NBEA: variants seen among roughly 807,000 people sequenced by gnomAD.
NBEA encodes the protein lysosomal-trafficking regulator 2.
Under a neutral mutation model 343.4 loss-of-function variants are expected in NBEA, and 44 were observed. The observed-to-expected ratio is 0.13, with a 90% CI of 0.10 to 0.16. The LOEUF is 0.16. NBEA is among the 10% of genes least tolerant of loss of function. NBEA has a pLI of 1.00. For synonymous variants in NBEA, 1,175 were observed against 1,238.7 expected, an observed-to-expected ratio of 0.95 and a Z score of 1.08; for missense variants, 2,555 against 3,631.3, an observed-to-expected ratio of 0.70 and a Z score of 7.62.
intron 12 of NBEA, among the ~76,000 whole-genome samples, chr13:35,109,724 G>C (rs2066091354): frequency 6.6e-6 from 1 of 152,046 alleles, no homozygotes; most frequent in African/African-American, 2.4e-5. Context: ...ATTTTTGAAA[G>C]ACTAGGAAAG....
At chr13:35,168,964 T>A in intron 24 of NBEA, 23 bp from the exon 25 acceptor site, 1 of 1,429,976 alleles carries the variant, frequency 7.0e-7, no homozygotes, top group Non-Finnish European at 9.2e-7. Context: ...GTCTGTTGTC[T>A]GTTTTGTCTA....
intron 41 of NBEA, among the ~76,000 whole-genome samples, chr13:35,534,574 G>A (rs2078435565): frequency 6.6e-6 from 1 of 152,174 alleles, no homozygotes; most frequent in Non-Finnish European, 1.5e-5. Flanking sequence ...TGAGTGCTCT[G>A]GACAGCCTCT....
At chr13:35,584,440 T>G (rs9574176) in intron 46 of NBEA, among the ~76,000 whole-genome samples, 19,854 of 151,160 alleles carry the variant, frequency 0.13, 1,432 homozygotes, top group East Asian at 0.28. Context: ...TGCCTCAGCC[T>G]CCCGAGTAAC....
chr13:35,475,176 T>C (rs1324798623), intron 41 of NBEA: 2 of 1,613,798 alleles, frequency 1.2e-6, no homozygotes, highest in African/African-American at 1.3e-5. Context: ...CTAAGTTCGG[T>C]AGAAAGTAGT....
intron 47 of NBEA, among the ~76,000 whole-genome samples, chr13:35,604,588 C>T (rs1304122857): frequency 6.6e-6 from 1 of 152,088 alleles, no homozygotes; most frequent in Non-Finnish European, 1.5e-5. Flanking sequence ...CAGTGTCTTG[C>T]TATAAAACAA....
Position 35,539,915 on chromosome 13 carries a change from C to CAAAAAAAAAAAAAA in NBEA, c.6586-10548_6586-10535dup, listed in dbSNP as rs71081262. Among the ~76,000 whole-genome samples, 79 of 39,606 alleles carry CAAAAAAAAAAAAAA rather than the reference C, an allele frequency of 2.0e-3. 9 individuals carry two copies. The highest frequency in any genetic ancestry group is 2.7e-3 in the Non-Finnish European group (58 of 21,852). 26.0% of individuals were successfully genotyped at this position (39,606 alleles called of 152,430 possible). On this transcript the variant is annotated intron_variant, in intron 41 of 58. Coordinates refer to ENST00000379939, the MANE Select transcript of NBEA (RefSeq NM_001385012.1). ...TGGGCGACAGAGCAAGACTCCGTCT[C>CAAAAAAAAAAAAAA]AAAAAAAAAAAAAAAAAAAAAAAAA...
intron 48 of NBEA, among the ~76,000 whole-genome samples, chr13:35,608,097 T>C (rs774649520): frequency 1.8e-4 from 27 of 152,182 alleles, no homozygotes; most frequent in Non-Finnish European, 3.5e-4. Context: ...CTAAGAAATA[T>C]TTTACTTTTA....
At chr13:35,480,261 A>G (rs967052975) in intron 41 of NBEA, among the ~76,000 whole-genome samples, 1 of 152,136 alleles carries the variant, frequency 6.6e-6, no homozygotes, top group African/African-American at 2.4e-5. Context: ...TATATGGGAT[A>G]TACAAAGTAA....
chr13:35,364,810 T>C (rs953200525), intron 38 of NBEA, among the ~76,000 whole-genome samples: 1 of 151,798 alleles, frequency 6.6e-6, no homozygotes, highest in Non-Finnish European at 1.5e-5. Flanking sequence ...AGGTATAAGA[T>C]GGTATTGCCT....
chr13:35,201,478 A>C (rs1013442879), intron 31 of NBEA, among the ~76,000 whole-genome samples: 3 of 152,058 alleles, frequency 2.0e-5, no homozygotes. Context: ...TAGAATCAGT[A>C]ACAAATTATT....
chr13:35,169,825 AT>A (rs1309143192), intron 25 of NBEA, among the ~76,000 whole-genome samples: 1 of 151,772 alleles, frequency 6.6e-6, no homozygotes, highest in Non-Finnish European at 1.5e-5. Flanking sequence ...AATTGATATT[AT>A]GAAGTGATGC....
chr13:35,474,783 C>A (rs142672727), intron 41 of NBEA: 2 of 361,964 alleles, frequency 5.5e-6, no homozygotes, highest in African/African-American at 4.2e-5. Context: ...GGGCTGTTTA[C>A]GGAGTGTTAC....
chr13:35,613,152 T>C (rs1247450837), intron 48 of NBEA, among the ~76,000 whole-genome samples: 2 of 150,470 alleles, frequency 1.3e-5, no homozygotes, highest in African/African-American at 4.9e-5. Flanking sequence ...CCAGAGTTTA[T>C]TCCTCCTAAC....
intron 33 of NBEA, among the ~76,000 whole-genome samples, chr13:35,218,753 T>A (rs1029400238): frequency 6.6e-6 from 1 of 152,052 alleles, no homozygotes; most frequent in African/African-American, 2.4e-5. Context: ...TACACTAAGA[T>A]GATCATGTGG....
intron 18 of NBEA, among the ~76,000 whole-genome samples, chr13:35,148,701 A>C (rs1490661865): frequency 6.6e-6 from 1 of 152,196 alleles, no homozygotes; most frequent in African/African-American, 2.4e-5. Context: ...TGCACTTATA[A>C]TTACAAATAT....
chr13:35,292,099 C>T (rs540796815), intron 35 of NBEA, among the ~76,000 whole-genome samples: 3 of 151,808 alleles, frequency 2.0e-5, no homozygotes, highest in Non-Finnish European at 4.4e-5. Context: ...ATGCTTTCGA[C>T]TAAATATTTT....
At chr13:35,129,832 C>T (rs1200400095) in intron 17 of NBEA, among the ~76,000 whole-genome samples, 1 of 151,838 alleles carries the variant, frequency 6.6e-6, no homozygotes, top group Non-Finnish European at 1.5e-5. Context: ...CAGAACCCAA[C>T]AAGGACAAGG....
intron 35 of NBEA, among the ~76,000 whole-genome samples, chr13:35,293,613 A>G (rs2035936062): frequency 2.0e-5 from 3 of 151,966 alleles, no homozygotes; most frequent in Admixed American, 6.6e-5. Flanking sequence ...AAAGTTTTAT[A>G]ATTAGATATG....
chr13:34,968,619 A>G (rs2152497070), intron 1 of NBEA, among the ~76,000 whole-genome samples: 1 of 152,296 alleles, frequency 6.6e-6, no homozygotes, highest in African/African-American at 2.4e-5. Context: ...TTACAATAAG[A>G]CATTGAGCTA....
Sources: gnomAD v4.1 joint callset for allele counts (sites outside exome capture counted in the v4.1 genomes callset) on GRCh38, gnomAD v4.1.1 for gene constraint, MANE v1.5 for transcripts, NCBI Gene and HGNC (gene_info 2026-07-23, HGNC 2026-07-21) for gene names.